Variants in EYA2 observed in about 807,000 individuals in gnomAD.
EYA2 encodes the protein protein phosphatase EYA2.
EYA2 carries 31 observed loss-of-function variants against 69.2 expected under a neutral mutation model. The observed-to-expected ratio is 0.45, with a 90% CI of 0.34 to 0.60. The LOEUF (loss-of-function observed/expected upper bound fraction) is 0.60. Among genes scored for constraint, EYA2 ranks in the 20% least tolerant of loss-of-function variants. The probability of loss-of-function intolerance (pLI) is 0.02; values close to 1 mark genes in which losing one functional copy is unlikely to be tolerated. For synonymous variants in EYA2, 257 were observed against 279.4 expected (o/e 0.92, Z 0.80); for missense variants, 622 against 701.2 (o/e 0.89, Z 1.28).
At chr20:46,930,143 A>G (rs1237042588) in intron 1 of EYA2, among the ~76,000 whole-genome samples, 1 of 152,230 alleles carries the variant, frequency 6.6e-6, no homozygotes, top group East Asian at 1.9e-4. Context: ...GAACAGTTAC[A>G]AGTTGACTGT....
intron 1 of EYA2, among the ~76,000 whole-genome samples, chr20:46,973,999 G>A (rs6066149): frequency 0.2 from 30,811 of 152,146 alleles, 3,586 homozygotes; most frequent in Non-Finnish European, 0.27. Context: ...TGGCAGAAGA[G>A]TGGAACATTG....
rs1984627639 is a variant in EYA2 at position 46,911,230 on chromosome 20, TTTGTG to T, written c.-11+16245_-11+16249del. 2.9e-5 allele frequency among the ~76,000 whole-genome samples: 4 copies of T among 135,776 alleles called. No homozygotes were observed. In the East Asian group the frequency reaches 8.9e-4, roughly 30 times the overall value. The allele number at this position is 135,776 out of a possible 152,430, so 89.1% of individuals were successfully genotyped here. On this transcript the variant is annotated intron_variant, in intron 1 of 15. Coordinates refer to ENST00000327619, the MANE Select transcript of EYA2 (RefSeq NM_005244.5). ...ACTATTAAGATTTGGAGCTGGATAA[TTTGTG>T]TGTGTGTGTGTGTGTGTGTGTGTGT...
intron 10 of EYA2, among the ~76,000 whole-genome samples, chr20:47,156,127 C>CACATT (rs2033938167): frequency 6.8e-5 from 1 of 14,648 alleles, no homozygotes; most frequent in Non-Finnish European, 1.2e-4. Context: ...CACACACACA[C>CACATT]ATATATATAT....
At chr20:46,956,066 T>C (rs1979106689) in intron 1 of EYA2, among the ~76,000 whole-genome samples, 1 of 152,260 alleles carries the variant, frequency 6.6e-6, no homozygotes. Context: ...CTGACCTTTT[T>C]GTCTTCCACA....
At chr20:46,964,767 G>A (rs577258838) in intron 1 of EYA2, among the ~76,000 whole-genome samples, 5 of 152,312 alleles carry the variant, frequency 3.3e-5, no homozygotes, top group African/African-American at 7.2e-5. Context: ...AGGTCACAGC[G>A]ATCATCAAGC....
At chr20:47,001,208 C>G (rs777675833) in intron 2 of EYA2, among the ~76,000 whole-genome samples, 1 of 151,992 alleles carries the variant, frequency 6.6e-6, no homozygotes, top group Non-Finnish European at 1.5e-5. Flanking sequence ...GTCATTTTTC[C>G]TTAACTGCAC....
At chr20:46,896,157 G>A (rs1283676783) in intron 1 of EYA2, among the ~76,000 whole-genome samples, 1 of 152,158 alleles carries the variant, frequency 6.6e-6, no homozygotes, top group East Asian at 1.9e-4. Flanking sequence ...CGGAGGGGCA[G>A]GAGGATGATT....
At chr20:47,019,987 A>AAAT (rs3092589) in intron 5 of EYA2, among the ~76,000 whole-genome samples, 1 of 148,608 alleles carries the variant, frequency 6.7e-6, no homozygotes, top group Non-Finnish European at 1.5e-5. Flanking sequence ...AAAAAAAAAA[A>AAAT]TGCTGGGCAT....
chr20:47,093,666 C>A (rs1211611387), intron 8 of EYA2, among the ~76,000 whole-genome samples: 2 of 152,238 alleles, frequency 1.3e-5, no homozygotes, highest in Non-Finnish European at 2.9e-5. Flanking sequence ...CCTCTCTGGG[C>A]ACCAGCGCCT....
Position 47,188,373 on chromosome 20 carries a change from G to A in EYA2, c.*240G>A. 1 of 597,078 alleles carries A rather than the reference G, an allele frequency of 1.7e-6. No individual in the cohort carries two copies. Among genetic ancestry groups the A allele is most frequent in the South Asian group, 2.0e-5 (1 of 49,242 alleles). The allele number at this position is 597,078 out of a possible 1,614,324, so 37.0% of individuals were successfully genotyped here. On this transcript the variant is annotated 3_prime_UTR_variant, in exon 16 of 16. Coordinates refer to ENST00000327619, the MANE Select transcript of EYA2 (RefSeq NM_005244.5). ...CTTTGGGGAAAAGGGCTGGCTCGGAGTCTAGACTCTTCTGTAAGACTCACA... is the reference window on the plus strand; with the variant it reads ...CTTTGGGGAAAAGGGCTGGCTCGGAATCTAGACTCTTCTGTAAGACTCACA...
At chr20:46,914,551 G>A (rs190098330) in intron 1 of EYA2, among the ~76,000 whole-genome samples, 118 of 152,250 alleles carry the variant, frequency 7.8e-4, no homozygotes, top group Admixed American at 2.8e-3. Context: ...TATGGTGGCC[G>A]GAAGGAGGAG....
At chr20:47,111,341 G>A (rs1485643039) in intron 9 of EYA2, among the ~76,000 whole-genome samples, 1 of 152,190 alleles carries the variant, frequency 6.6e-6, no homozygotes, top group Non-Finnish European at 1.5e-5. Flanking sequence ...GGACTTAGTG[G>A]CATAAAACAA....
chr20:47,105,486 A>G (rs988844079), intron 9 of EYA2, among the ~76,000 whole-genome samples: 2 of 152,100 alleles, frequency 1.3e-5, no homozygotes, highest in Non-Finnish European at 2.9e-5. Context: ...TTAGCTGGGC[A>G]TGATGGCAGG....
At chr20:46,953,682 G>C (rs1287919836) in intron 1 of EYA2, among the ~76,000 whole-genome samples, 5 of 152,158 alleles carry the variant, frequency 3.3e-5, no homozygotes, top group Non-Finnish European at 5.9e-5. Context: ...ATGACAACCA[G>C]AAGTGTCTCT....
At chr20:47,116,302 C>T (rs897922741) in intron 9 of EYA2, among the ~76,000 whole-genome samples, 1 of 151,018 alleles carries the variant, frequency 6.6e-6, no homozygotes, top group Admixed American at 6.6e-5. Context: ...CTCAGCCTCT[C>T]GAGTAGCTGG....
chr20:46,990,524 T>G (rs1176251436), intron 2 of EYA2, among the ~76,000 whole-genome samples: 1 of 152,198 alleles, frequency 6.6e-6, no homozygotes, highest in East Asian at 1.9e-4. Flanking sequence ...CTTACAGGGG[T>G]TTGACATTAG....
At position 46,902,287 on chromosome 20, in the gene EYA2, A is replaced by G. The variant is rs576418666; in HGVS notation, c.-11+7300A>G. Among the ~76,000 whole-genome samples, 78 of 71,198 alleles carry G rather than the reference A, an allele frequency of 1.1e-3. No individual in the cohort carries two copies. In the East Asian group the frequency reaches 0.038, roughly 34 times the overall value. 46.7% of individuals were successfully genotyped at this position (71,198 alleles called of 152,430 possible). The stretch of plus-strand genomic sequence containing the variant: ...GATTTTCTTTTGTTTTTAAGAAAAC[A>G]CAGAGTTGTAAGACTTGTTTGGGAA... On this transcript the variant is annotated intron_variant, in intron 1 of 15. Coordinates refer to ENST00000327619, the MANE Select transcript of EYA2 (RefSeq NM_005244.5).
Position 46,948,034 on chromosome 20 carries a change from T to G in EYA2, c.-10-41967T>G, listed in dbSNP as rs943413303. Reference sequence around the variant, plus strand: ...CAGGAGGCTGATGTGGGAGGATCGCTTGAGCCCAGGAGGTCAAGGCCATGG... The same window carrying G: ...CAGGAGGCTGATGTGGGAGGATCGCGTGAGCCCAGGAGGTCAAGGCCATGG... On this transcript the variant is annotated intron_variant, in intron 1 of 15. Transcript: ENST00000327619. 2.6e-5 allele frequency among the ~76,000 whole-genome samples: 4 copies of G among 151,054 alleles called. No homozygotes were observed. In the South Asian group the frequency reaches 8.4e-4, roughly 32 times the overall value.
intron 15 of EYA2, among the ~76,000 whole-genome samples, 167 bp from the exon 16 acceptor site, chr20:47,187,886 A>C (rs2034678224): frequency 6.6e-6 from 1 of 152,230 alleles, no homozygotes; most frequent in Non-Finnish European, 1.5e-5. Context: ...ACTGGTGGGT[A>C]CTGGCCAGAT....
Sources: gnomAD v4.1 joint callset for allele counts (sites outside exome capture counted in the v4.1 genomes callset) on GRCh38, gnomAD v4.1.1 for gene constraint, MANE v1.5 for transcripts, NCBI Gene and HGNC (gene_info 2026-07-23, HGNC 2026-07-21) for gene names.